CD55: variants seen among roughly 807,000 people sequenced by gnomAD.
CD55 encodes complement decay-accelerating factor.
In CD55, 41 loss-of-function variants were observed where a neutral mutation model predicts 45.8. That is an observed-to-expected ratio of 0.90 (90% CI 0.70 to 1.16). The LOEUF (loss-of-function observed/expected upper bound fraction) is 1.16, where lower values mean the gene tolerates loss of function less well. CD55 is among the 50% of genes most tolerant of loss of function. CD55 has a pLI of 0.00. For synonymous variants in CD55, 181 were observed against 181.1 expected, an observed-to-expected ratio of 1.00 and a Z score of 0.01; for missense variants, 416 against 469.8, an observed-to-expected ratio of 0.89 and a Z score of 1.06.
intron 2 of CD55, among the ~76,000 whole-genome samples, chr1:207,323,952 T>C (rs1379791052): frequency 6.6e-6 from 1 of 152,224 alleles, no homozygotes; most frequent in East Asian, 1.9e-4. Context: ...GTCTTCTGAC[T>C]ACAAATCCAA....
At chr1:207,324,875 A>G (rs1654602502) in intron 3 of CD55, 125 bp downstream of exon 3, 1 of 459,062 alleles carries the variant, frequency 2.2e-6, no homozygotes, top group African/African-American at 2.0e-5. Flanking sequence ...TGATAGGACC[A>G]TGAGTGTCAA....
intron 9 of CD55, among the ~76,000 whole-genome samples, chr1:207,351,488 A>G (rs931656597): frequency 6.6e-6 from 1 of 152,214 alleles, no homozygotes; most frequent in African/African-American, 2.4e-5. Flanking sequence ...ATCTCTTCAT[A>G]GGTCTTTAAG....
In CD55 at chr1:207,359,876, T is replaced by G. The variant is rs556445049; in HGVS notation, c.*266T>G. 50 of 334,708 alleles carry G rather than the reference T, an allele frequency of 1.5e-4. No homozygotes were observed. Among genetic ancestry groups the G allele is most frequent in the Non-Finnish European group, 2.3e-4 (43 of 187,440 alleles). 20.7% of individuals were successfully genotyped at this position (334,708 alleles called of 1,614,324 possible). On this transcript the variant is annotated 3_prime_UTR_variant, in exon 10 of 10. Transcript: ENST00000367064. ...CCTTTCCTAAAAGTGTAAGAAAGCA[T>G]AGAGATTTGTTCGTATTTAGAATGG... is the stretch of plus-strand genomic sequence containing the variant.
chr1:207,358,940 G>A (rs28371670), intron 9 of CD55, among the ~76,000 whole-genome samples: 3,630 of 152,202 alleles, frequency 0.024, 69 homozygotes, highest in Middle Eastern at 0.095. Flanking sequence ...TAAAGAGAAT[G>A]CCTTCATTAT....
intron 8 of CD55, chr1:207,337,691 T>C (rs1484693423): frequency 3.5e-6 from 1 of 285,774 alleles, no homozygotes; most frequent in African/African-American, 2.2e-5. Context: ...CCTGTAGTAG[T>C]TTTAGGGAGT....
In CD55 at chr1:207,345,187, G is replaced by T. The variant is rs142850654; in HGVS notation, c.1081+5770G>T. Among the ~76,000 whole-genome samples the T allele has an allele frequency of 1.4e-3, 215 of 152,010 alleles. 3 individuals carry two copies. The highest frequency in any genetic ancestry group is 0.013 in the East Asian group (65 of 5,166). ...GAGACTCCTAAAATTTGAATAGTTG[G>T]CCACTTTAGGGTGTCCCATATGTCA... On this transcript the variant is annotated intron_variant, in intron 9 of 9. Coordinates refer to ENST00000367064, the MANE Select transcript of CD55 (RefSeq NM_000574.5).
At chr1:207,327,868 T>C (rs1470230464) in intron 5 of CD55, among the ~76,000 whole-genome samples, 2 of 152,216 alleles carry the variant, frequency 1.3e-5, no homozygotes, top group Non-Finnish European at 2.9e-5. Flanking sequence ...CTACTACCTT[T>C]TTTTTCTCAT....
chr1:207,342,592 G>A (rs1250258781), intron 9 of CD55, among the ~76,000 whole-genome samples: 1 of 152,066 alleles, frequency 6.6e-6, no homozygotes, highest in Non-Finnish European at 1.5e-5. Flanking sequence ...GTTGGATTTG[G>A]TTTGCTAATA....
chr1:207,327,357 T>G (rs1654731022), intron 5 of CD55, among the ~76,000 whole-genome samples: 1 of 151,890 alleles, frequency 6.6e-6, no homozygotes, highest in Non-Finnish European at 1.5e-5. Context: ...TCTAGAGGGG[T>G]TTTAAGGTGT....
chr1:207,336,084 T>C (rs1291556824), intron 6 of CD55, among the ~76,000 whole-genome samples: 1 of 152,114 alleles, frequency 6.6e-6, no homozygotes, highest in Admixed American at 6.5e-5. Context: ...TGCTGTTAGA[T>C]TTATGCTTTT....
At chr1:207,356,879 C>T (rs1033631715) in intron 9 of CD55, among the ~76,000 whole-genome samples, 1 of 152,184 alleles carries the variant, frequency 6.6e-6, no homozygotes. Flanking sequence ...AATCGACCCT[C>T]TTCTGTTTTG....
intron 6 of CD55, among the ~76,000 whole-genome samples, chr1:207,333,052 C>T (rs1290454297): frequency 6.6e-6 from 1 of 152,140 alleles, no homozygotes; most frequent in Non-Finnish European, 1.5e-5. Flanking sequence ...ACCAATTTTT[C>T]CTAAAGGCCA....
In CD55 at chr1:207,359,602, C is replaced by T. The variant is rs867940571; in HGVS notation, c.1138C>T (p.Leu380=). ...TGGGACGCTAGTAACCATGGGCTTG[C>T]TGACTTAGCCAAAGAAGAGTTAAGA... The part of the protein sequence containing the change: ...LLGTLVTMGL[L]T The change falls in exon 10 of 10, where the codon CTG becomes TTG. Residue 380 remains leucine, a synonymous_variant. Coordinates refer to ENST00000367064, the MANE Select transcript of CD55 (RefSeq NM_000574.5). 6.3e-7 allele frequency: 1 copy of T among 1,587,488 alleles called. No homozygotes were observed. Among genetic ancestry groups the T allele is most frequent in the Non-Finnish European group, 8.5e-7 (1 of 1,170,318 alleles).
chr1:207,344,047 T>C (rs1246406344), intron 9 of CD55, among the ~76,000 whole-genome samples: 1 of 152,246 alleles, frequency 6.6e-6, no homozygotes, highest in Non-Finnish European at 1.5e-5. Context: ...TCAGTCACAA[T>C]GTGTTTTCAC....
intron 9 of CD55, chr1:207,354,398 G>T (rs1656002093): frequency 4.0e-6 from 1 of 249,246 alleles, no homozygotes; most frequent in African/African-American, 2.3e-5. Flanking sequence ...TGTTAATAAT[G>T]AGAGGTGATC....
intron 9 of CD55, chr1:207,340,411 G>A (rs923317811): frequency 8.5e-6 from 4 of 471,834 alleles, no homozygotes; most frequent in African/African-American, 8.2e-5. Flanking sequence ...TGTCACCCAG[G>A]CTGGTATGCG....
chr1:207,358,893 A>G (rs933796696), intron 9 of CD55, among the ~76,000 whole-genome samples: 1 of 152,322 alleles, frequency 6.6e-6, no homozygotes, highest in Non-Finnish European at 1.5e-5. Context: ...TAATGCCACA[A>G]ATATTCGGGG....
At chr1:207,338,595 A>T (rs1445398433) in intron 8 of CD55, among the ~76,000 whole-genome samples, 2 of 152,198 alleles carry the variant, frequency 1.3e-5, no homozygotes, top group Non-Finnish European at 2.9e-5. Context: ...TCTTAGGTAC[A>T]ATTAATTTAC....
chr1:207,331,771 C>A (rs1421327196), intron 6 of CD55, among the ~76,000 whole-genome samples: 1 of 152,138 alleles, frequency 6.6e-6, no homozygotes, highest in Admixed American at 6.5e-5. Flanking sequence ...TATTATTATC[C>A]ATTCTCCTTC....
Sources: allele counts gnomAD v4.1 joint callset (sites outside exome capture counted in the v4.1 genomes callset), GRCh38; gene constraint gnomAD v4.1.1; transcripts MANE v1.5; gene names NCBI Gene and HGNC (gene_info 2026-07-23, HGNC 2026-07-21).